CEACAM21: variants seen among roughly 807,000 people sequenced by gnomAD.
CEACAM21 encodes cell adhesion molecule CEACAM21.
CEACAM21 carries 38 observed loss-of-function variants against 33.2 expected under a neutral mutation model. The ratio of observed to expected loss-of-function variants is 1.14; its 90% confidence interval spans 0.88 to 1.50. The LOEUF is 1.50. Ranked by LOEUF, CEACAM21 falls within the 40% of genes most tolerant of loss-of-function variation. The pLI is 0.00. For synonymous variants in CEACAM21, 156 were observed against 143.0 expected, an observed-to-expected ratio of 1.09 and a Z score of -0.65; for missense variants, 385 against 364.6, an observed-to-expected ratio of 1.06 and a Z score of -0.46.
intron 1 of CEACAM21, among the ~76,000 whole-genome samples, chr19:41,564,499 G>A (rs182223558): frequency 1.8e-3 from 280 of 152,164 alleles, no homozygotes; most frequent in African/African-American, 6.5e-3. Context: ...ACGACACTCC[G>A]CCCCATCGGG....
In CEACAM21 at chr19:41,585,834, C is replaced by T. The variant is rs190203774; in HGVS notation, c.851-6C>T. On this transcript the variant is annotated splice_polypyrimidine_tract_variant and splice_region_variant and intron_variant, in intron 5 of 6. Transcript: ENST00000401445. ...CTCTCGTGCTCACTTTTGTCTCTGT[C>T]CCCAGGCCATGGACCCTCTGACAGC... is the stretch of plus-strand genomic sequence containing the variant. 3.7e-6 allele frequency: 6 copies of T among 1,612,356 alleles called. No homozygotes were observed. The highest frequency in any genetic ancestry group is 1.7e-5 in the Admixed American group (1 of 59,810).
chr19:41,555,958 T>C (rs1265683619), intron 1 of CEACAM21, among the ~76,000 whole-genome samples: 2 of 152,138 alleles, frequency 1.3e-5, no homozygotes, highest in East Asian at 1.9e-4. Flanking sequence ...CAGTACAAAG[T>C]AATGCCTGGT....
rs1187397702 is a variant in CEACAM21, at chr19:41,586,513, C to T, written c.*50C>T. ...ATTTACTGCTGGATCGACCACAAAG[C>T]AGATGTGGCTTCTTAGGTTCCTCTG... is the stretch of plus-strand genomic sequence containing the variant. On this transcript the variant is annotated 3_prime_UTR_variant, in exon 7 of 7. Coordinates refer to ENST00000401445, the MANE Select transcript of CEACAM21 (RefSeq NM_001098506.4). 6.3e-6 allele frequency: 4 copies of T among 632,728 alleles called. No individual in the cohort carries two copies. Among genetic ancestry groups the T allele is most frequent in the Non-Finnish European group, 1.2e-5 (4 of 329,114 alleles). The allele number at this position is 632,728 out of a possible 1,614,324, so 39.2% of individuals were successfully genotyped here. A position where few individuals can be genotyped will look rare whatever the true frequency, so the allele number is the denominator to read the frequency against.
At chr19:41,569,470 G>T (rs1300011204) in intron 2 of CEACAM21, among the ~76,000 whole-genome samples, 2 of 152,146 alleles carry the variant, frequency 1.3e-5, no homozygotes, top group African/African-American at 4.8e-5. Flanking sequence ...ACCCATAATG[G>T]ATGAGAAAGT....
upstream of CEACAM21, among the ~76,000 whole-genome samples, chr19:41,573,620 A>G (rs2122209728): frequency 6.6e-6 from 1 of 152,348 alleles, no homozygotes; most frequent in Non-Finnish European, 1.5e-5. Flanking sequence ...AACTCCACCA[A>G]CAAAATTGTT....
At chr19:41,561,745 A>G (rs1429464821) in intron 1 of CEACAM21, among the ~76,000 whole-genome samples, 3 of 152,224 alleles carry the variant, frequency 2.0e-5, no homozygotes, top group African/African-American at 7.2e-5. Context: ...ATCAGGAACT[A>G]TTTCTACACA....
intron 2 of CEACAM21, among the ~76,000 whole-genome samples, chr19:41,565,221 G>T (rs1458282171): frequency 6.6e-6 from 1 of 152,030 alleles, no homozygotes; most frequent in African/African-American, 2.4e-5. Flanking sequence ...CTCAGAGCCC[G>T]CCCCGCCCCG....
chr19:41,555,941 T>G (rs781796072), intron 1 of CEACAM21, among the ~76,000 whole-genome samples: 4 of 152,122 alleles, frequency 2.6e-5, no homozygotes, highest in Admixed American at 6.5e-5. Context: ...AAAGGACGTG[T>G]CTCTCACAGT....
At chr19:41,564,334 A>T (rs1026389224) in intron 1 of CEACAM21, among the ~76,000 whole-genome samples, 2 of 83,078 alleles carry the variant, frequency 2.4e-5, no homozygotes, top group African/African-American at 1.2e-4. Flanking sequence ...GTTATTTATT[A>T]TTTATTTATT....
At chr19:41,576,403 G>T in intron 1 of CEACAM21, 65 bp downstream of exon 1, 1 of 1,522,332 alleles carries the variant, frequency 6.6e-7, no homozygotes, top group Non-Finnish European at 8.9e-7. Flanking sequence ...GGGGTCTCCT[G>T]GGGAGGATGG....
chr19:41,559,542 G>A (rs191267834), intron 1 of CEACAM21, among the ~76,000 whole-genome samples: 24 of 152,098 alleles, frequency 1.6e-4, no homozygotes, highest in African/African-American at 5.1e-4. Flanking sequence ...AACAGGAAAA[G>A]AAATAAATAT....
intron 1 of CEACAM21, 81 bp from the exon 2 acceptor site, chr19:41,577,119 G>A (rs1467119084): frequency 1.3e-6 from 2 of 1,539,020 alleles, no homozygotes; most frequent in East Asian, 2.3e-5. Flanking sequence ...GCTGAGGGGT[G>A]AAGAGACCTG....
At position 41,585,893 on chromosome 19, in the gene CEACAM21, C is replaced by A. The variant is rs782364907; in HGVS notation, c.*22C>A. The A allele has an allele frequency of 6.2e-6, 10 of 1,611,804 alleles. No homozygotes were observed. In the South Asian group the frequency reaches 7.7e-5, roughly 12 times the overall value. ...CTAGGTAAGACTGTCCGTTCCCAAT[C>A]CCATTTCCACTGGGGCCCCAGCTGT... is the stretch of plus-strand genomic sequence containing the variant. On this transcript the variant is annotated intron_variant, in intron 6 of 6. Coordinates refer to ENST00000401445, the MANE Select transcript of CEACAM21 (RefSeq NM_001098506.4).
chr19:41,578,303 CTTT>C (rs34093847), intron 2 of CEACAM21, among the ~76,000 whole-genome samples: 7 of 142,598 alleles, frequency 4.9e-5, no homozygotes, highest in East Asian at 2.0e-4. Flanking sequence ...CCAGAGAACT[CTTT>C]TTTTTTTTTT....
chr19:41,577,492 C>G lies in CEACAM21; in HGVS notation c.357C>G (p.Tyr119Ter), dbSNP rs1310382852. The G allele has an allele frequency of 3.1e-6, 5 of 1,614,098 alleles. No individual in the cohort carries two copies. Among genetic ancestry groups the G allele is most frequent in the Non-Finnish European group, 3.4e-6 (4 of 1,180,020 alleles). ...FQNVTLEDTG[Y>*]YNLQVTYRNS... Reference sequence around the variant, plus strand: ...ACGTCACCCTAGAGGACACGGGATACTACAACCTACAAGTCACATACAGAA... The same window carrying G: ...ACGTCACCCTAGAGGACACGGGATAGTACAACCTACAAGTCACATACAGAA... Residue 119 changes from tyrosine (Y) to a stop codon, truncating the protein, a stop_gained, in exon 2 of 7, where the codon TAC becomes TAG. Coordinates refer to ENST00000401445, the MANE Select transcript of CEACAM21 (RefSeq NM_001098506.4). LOFTEE classifies it high-confidence loss of function.
intron 1 of CEACAM21, among the ~76,000 whole-genome samples, chr19:41,557,529 C>T (rs565819096): frequency 1.3e-5 from 2 of 152,242 alleles, no homozygotes; most frequent in South Asian, 4.1e-4. Context: ...GTGAACTCAA[C>T]GCTGTCAATC....
chr19:41,586,807 C>T lies in CEACAM21; in HGVS notation c.*344C>T, dbSNP rs985460394. On this transcript the variant is annotated 3_prime_UTR_variant, in exon 7 of 7. Coordinates refer to ENST00000401445, the MANE Select transcript of CEACAM21 (RefSeq NM_001098506.4). The stretch of plus-strand genomic sequence containing the variant: ...TGGGCCTATGGCCCACCCGGGGTCA[C>T]CTGGAAAGGATCTGAATAAAGGGGA... The T allele has an allele frequency of 2.8e-5, 8 of 287,682 alleles. No homozygotes were observed. Among genetic ancestry groups the T allele is most frequent in the Non-Finnish European group, 4.8e-5 (7 of 145,310 alleles). The allele number at this position is 287,682 out of a possible 1,614,324, so 17.8% of individuals were successfully genotyped here.
chr19:41,555,215 C>T (rs2122160767), intron 1 of CEACAM21: 1 of 151,944 alleles, frequency 6.6e-6, no homozygotes, highest in African/African-American at 2.4e-5. Context: ...CACAGGTATC[C>T]AACCCAGTAT....
chr19:41,579,004 T>G (rs1472314505), intron 2 of CEACAM21, among the ~76,000 whole-genome samples: 1 of 152,164 alleles, frequency 6.6e-6, no homozygotes. Flanking sequence ...GCCACACCTC[T>G]TCCTTGTCCC....
Sources: allele counts gnomAD v4.1 joint callset (sites outside exome capture counted in the v4.1 genomes callset), GRCh38; gene constraint gnomAD v4.1.1; transcripts MANE v1.5; gene names NCBI Gene and HGNC (gene_info 2026-07-23, HGNC 2026-07-21).